Variants in FYN observed in about 807,000 individuals in gnomAD.
The protein encoded by FYN is tyrosine-protein kinase Fyn.
In FYN, 10 loss-of-function variants were observed where a neutral mutation model predicts 70.2. That is an observed-to-expected ratio of 0.14 (90% CI 0.09 to 0.24). The LOEUF (loss-of-function observed/expected upper bound fraction) is 0.24. Ranked by LOEUF, FYN falls within the 10% of genes least tolerant of loss-of-function variation. The pLI, the probability that FYN is intolerant of heterozygous loss-of-function variation, is 1.00. For synonymous variants in FYN, 236 were observed against 248.6 expected (o/e 0.95, Z 0.48); for missense variants, 319 against 673.1 (o/e 0.47, Z 5.82).
intron 2 of FYN, among the ~76,000 whole-genome samples, chr6:111,829,863 A>G (rs1772960812): frequency 6.6e-6 from 1 of 152,120 alleles, no homozygotes; most frequent in African/African-American, 2.4e-5. Context: ...TGGTGCTAGG[A>G]TGTGGAGAAG....
intron 2 of FYN, among the ~76,000 whole-genome samples, chr6:111,843,957 T>TA (rs929935658): frequency 4.4e-4 from 66 of 151,160 alleles, no homozygotes; most frequent in Middle Eastern, 3.4e-3. Context: ...TTACGAAACT[T>TA]AAAAAAAAAT....
At chr6:111,825,429 C>G (rs1039094262) in intron 2 of FYN, among the ~76,000 whole-genome samples, 1 of 152,220 alleles carries the variant, frequency 6.6e-6, no homozygotes, top group Non-Finnish European at 1.5e-5. Flanking sequence ...AGCATTTTCT[C>G]TATCACAGGA....
intron 12 of FYN, among the ~76,000 whole-genome samples, chr6:111,690,618 T>TA (rs1316422146): frequency 5.9e-5 from 9 of 152,214 alleles, no homozygotes; most frequent in African/African-American, 2.2e-4. Context: ...AAGAACTTAG[T>TA]ATTGTACCAG....
chr6:111,748,696 A>G (rs1802347327), intron 3 of FYN, among the ~76,000 whole-genome samples: 1 of 152,224 alleles, frequency 6.6e-6, no homozygotes, highest in South Asian at 2.1e-4. Context: ...GGTTTCAAAG[A>G]CAGCATGAAA....
At chr6:111,795,675 T>C (rs1438703848) in intron 2 of FYN, among the ~76,000 whole-genome samples, 3 of 152,206 alleles carry the variant, frequency 2.0e-5, no homozygotes, top group South Asian at 2.1e-4. Flanking sequence ...GGTGTTCTAA[T>C]TGAACCAAGA....
intron 2 of FYN, among the ~76,000 whole-genome samples, chr6:111,794,523 C>T (rs759518839): frequency 1.1e-4 from 16 of 152,198 alleles, no homozygotes; most frequent in Non-Finnish European, 1.9e-4. Context: ...TGGTGGGCAG[C>T]GGTCAGCAAC....
chr6:111,837,929 G>A (rs1035849189), intron 2 of FYN, among the ~76,000 whole-genome samples: 4 of 152,130 alleles, frequency 2.6e-5, no homozygotes, highest in Non-Finnish European at 5.9e-5. Flanking sequence ...ACTGATCCAC[G>A]CAGCATCTCA....
At chr6:111,832,409 A>T (rs1378398541) in intron 2 of FYN, among the ~76,000 whole-genome samples, 1 of 152,124 alleles carries the variant, frequency 6.6e-6, no homozygotes, top group Non-Finnish European at 1.5e-5. Flanking sequence ...TATTAAATTT[A>T]CTTTTTAGTA....
At chr6:111,849,189 C>T (rs1773615484) in intron 1 of FYN, among the ~76,000 whole-genome samples, 1 of 152,120 alleles carries the variant, frequency 6.6e-6, no homozygotes, top group African/African-American at 2.4e-5. Context: ...CCCAGATAGC[C>T]CAGTGGAAAA....
At chr6:111,849,077 T>C (rs537430084) in intron 1 of FYN, among the ~76,000 whole-genome samples, 1 of 152,360 alleles carries the variant, frequency 6.6e-6, no homozygotes, top group South Asian at 2.1e-4. Context: ...CAGTTGTCTA[T>C]GCATTCAATT....
intron 3 of FYN, among the ~76,000 whole-genome samples, chr6:111,768,091 G>T (rs2128498025): frequency 6.6e-6 from 1 of 152,346 alleles, no homozygotes; most frequent in South Asian, 2.1e-4. Context: ...GGGGGTGGAA[G>T]TGGGAATATG....
chr6:111,861,199 A>T (rs2114519398), intron 1 of FYN, among the ~76,000 whole-genome samples: 1 of 152,362 alleles, frequency 6.6e-6, no homozygotes, highest in Non-Finnish European at 1.5e-5. Context: ...CATTTAATAA[A>T]TGCACAGTGT....
intron 1 of FYN, among the ~76,000 whole-genome samples, chr6:111,855,644 T>C (rs983418525): frequency 8.5e-5 from 13 of 152,190 alleles, no homozygotes; most frequent in Admixed American, 5.9e-4. Context: ...TTGTTAATGC[T>C]TGAGAAATGA....
intron 3 of FYN, among the ~76,000 whole-genome samples, chr6:111,778,717 A>G (rs1367111560): frequency 6.6e-6 from 1 of 151,532 alleles, no homozygotes; most frequent in Non-Finnish European, 1.5e-5. Flanking sequence ...GATGGTCTCG[A>G]TCTCCTGACC....
At chr6:111,731,317 AAGG>A (rs1290382348) in intron 3 of FYN, among the ~76,000 whole-genome samples, 1 of 152,228 alleles carries the variant, frequency 6.6e-6, no homozygotes, top group African/African-American at 2.4e-5. Flanking sequence ...GACTTTGAAG[AAGG>A]AGATTTGACT....
At chr6:111,663,101 T>G (rs2128397229) in intron 13 of FYN, among the ~76,000 whole-genome samples, 1 of 152,344 alleles carries the variant, frequency 6.6e-6, no homozygotes, top group Non-Finnish European at 1.5e-5. Context: ...TTTGCTTCCC[T>G]TTTTCATTGT....
intron 4 of FYN, among the ~76,000 whole-genome samples, chr6:111,715,679 G>C (rs544089513): frequency 1.3e-5 from 2 of 152,272 alleles, no homozygotes; most frequent in South Asian, 4.1e-4. Context: ...ACCGAATCCT[G>C]CCAGCACTAC....
intron 2 of FYN, among the ~76,000 whole-genome samples, chr6:111,818,898 CCTAA>C (rs1388788803): frequency 1.3e-5 from 2 of 152,174 alleles, no homozygotes; most frequent in African/African-American, 2.4e-5. Flanking sequence ...TCCTCCATTG[CCTAA>C]CTATGTGTCT....
intron 2 of FYN, among the ~76,000 whole-genome samples, chr6:111,790,245 GAT>G (rs1232274262): frequency 2.2e-5 from 2 of 92,856 alleles, no homozygotes; most frequent in African/African-American, 9.3e-5. Context: ...CTGAACCTTA[GAT>G]ACACACACAC....
Sources: allele counts gnomAD v4.1 joint callset (sites outside exome capture counted in the v4.1 genomes callset), GRCh38; gene constraint gnomAD v4.1.1; transcripts MANE v1.5; gene names NCBI Gene and HGNC (gene_info 2026-07-23, HGNC 2026-07-21).